Variants in GLIS3 observed in about 807,000 individuals in gnomAD.
GLIS3 encodes the protein zinc finger protein GLIS3.
Under a neutral mutation model 78.6 loss-of-function variants are expected in GLIS3, and 53 were observed. That is an observed-to-expected ratio of 0.67 (90% CI 0.54 to 0.85). GLIS3 has a LOEUF of 0.85. Among genes scored for constraint, GLIS3 ranks in the 40% least tolerant of loss-of-function variants. The probability of loss-of-function intolerance (pLI) is 0.00; values close to 1 mark genes in which losing one functional copy is unlikely to be tolerated. For missense variants in GLIS3, 1,703 were observed against 1,231.1 expected, an observed-to-expected ratio of 1.38 and a Z score of -5.74; for synonymous variants, 684 against 509.9, an observed-to-expected ratio of 1.34 and a Z score of -4.60.
intron 2 of GLIS3, among the ~76,000 whole-genome samples, chr9:4,283,112 CACA>C (rs1405013079): frequency 6.6e-5 from 10 of 151,898 alleles, no homozygotes; most frequent in African/African-American, 2.4e-4. Context: ...CACACACACA[CACA>C]CACACAGGAA....
At chr9:4,287,122 A>T (rs2130352769) in intron 1 of GLIS3, among the ~76,000 whole-genome samples, 1 of 152,308 alleles carries the variant, frequency 6.6e-6, no homozygotes, top group South Asian at 2.1e-4. Context: ...TCATGGCAGC[A>T]TTAGAGTCTT....
chr9:4,455,301 T>C, the GLIS3 span, among the ~76,000 whole-genome samples: 1 of 152,178 alleles, frequency 6.6e-6, no homozygotes, highest in African/African-American at 2.4e-5. Flanking sequence ...TCATTTAAAA[T>C]GTGTCACCAC....
intron 3 of GLIS3, among the ~76,000 whole-genome samples, chr9:4,124,082 T>C (rs1832387294): frequency 6.6e-6 from 1 of 152,148 alleles, no homozygotes; most frequent in African/African-American, 2.4e-5. Context: ...TCTCCATTGA[T>C]GAAATACACA....
rs370384726 is a variant in GLIS3 at position 4,084,256 on chromosome 9, A to AACACACACACAC, written c.1710+33500_1710+33511dup. On this transcript the variant is annotated intron_variant, in intron 4 of 10. Coordinates refer to ENST00000381971, the MANE Select transcript of GLIS3 (RefSeq NM_001042413.2). ...CTCTCTCTCCTTCCTTCCTCTCTCT[A>AACACACACACAC]ACACACACACACACACACACACACA... Among the ~76,000 whole-genome samples the AACACACACACAC allele has an allele frequency of 3.7e-3, 494 of 132,184 alleles. 1 individual carries two copies. The highest frequency in any genetic ancestry group is 9.2e-3 in the South Asian group (35 of 3,820). 86.7% of individuals were successfully genotyped at this position (132,184 alleles called of 152,430 possible).
chr9:4,024,788 C>T (rs550132063), intron 4 of GLIS3, among the ~76,000 whole-genome samples: 4 of 152,248 alleles, frequency 2.6e-5, no homozygotes, highest in South Asian at 2.1e-4. Flanking sequence ...CCAACTTCAC[C>T]GATTAGATTG....
At chr9:4,180,624 T>C (rs983403163) in intron 2 of GLIS3, among the ~76,000 whole-genome samples, 2 of 152,234 alleles carry the variant, frequency 1.3e-5, no homozygotes, top group African/African-American at 4.8e-5. Flanking sequence ...GTGTCCATCC[T>C]GCTCCATGAG....
chr9:4,178,441 G>A (rs762189723), intron 2 of GLIS3, among the ~76,000 whole-genome samples: 1 of 152,170 alleles, frequency 6.6e-6, no homozygotes, highest in Non-Finnish European at 1.5e-5. Flanking sequence ...ATAGGAGAAG[G>A]AGGGGAAGGG....
chr9:4,392,869 A>G, the GLIS3 span, among the ~76,000 whole-genome samples: 1 of 152,110 alleles, frequency 6.6e-6, no homozygotes, highest in South Asian at 2.1e-4. Context: ...CCAGAATGAA[A>G]TAACTGGAAA....
At position 3,954,129 on chromosome 9, in the gene GLIS3, A is replaced by G. The variant is rs993362346; in HGVS notation, c.1711-16940T>C. On this transcript the variant is annotated intron_variant, in intron 4 of 10. Transcript: ENST00000381971. ...GAATTTCTGTGGGATCTTATATTCCAGGGTCTCAATTTACTTTTATAAATA... is the reference window on the plus strand; with the variant it reads ...GAATTTCTGTGGGATCTTATATTCCGGGGTCTCAATTTACTTTTATAAATA... Among the ~76,000 whole-genome samples the G allele has an allele frequency of 2.0e-5, 3 of 152,184 alleles. No homozygotes were observed. The South Asian group carries it at 6.2e-4, about 31-fold the overall frequency.
intron 4 of GLIS3, among the ~76,000 whole-genome samples, chr9:4,061,069 T>C (rs892018740): frequency 1.8e-4 from 27 of 152,220 alleles, no homozygotes; most frequent in Non-Finnish European, 2.5e-4. Context: ...ATCCATTTTT[T>C]TTTTTTACTA....
At chr9:3,869,709 A>C (rs901395535) in intron 8 of GLIS3, among the ~76,000 whole-genome samples, 24 of 152,108 alleles carry the variant, frequency 1.6e-4, no homozygotes, top group African/African-American at 5.3e-4. Flanking sequence ...TTGGTCTTTT[A>C]CCTTTCTCAA....
chr9:4,318,895 T>C (rs1347006055), intron 2 of GLIS3, among the ~76,000 whole-genome samples: 1 of 152,196 alleles, frequency 6.6e-6, no homozygotes, highest in Non-Finnish European at 1.5e-5. Context: ...AGTGGGTTCA[T>C]CAAAGTGACA....
chr9:4,320,324 G>T (rs950639911), intron 2 of GLIS3, among the ~76,000 whole-genome samples: 1 of 152,134 alleles, frequency 6.6e-6, no homozygotes, highest in Non-Finnish European at 1.5e-5. Flanking sequence ...AAACAGGAAA[G>T]TAAGACCATC....
At chr9:4,110,068 G>C (rs1474779135) in intron 4 of GLIS3, among the ~76,000 whole-genome samples, 1 of 152,180 alleles carries the variant, frequency 6.6e-6, no homozygotes, top group Non-Finnish European at 1.5e-5. Flanking sequence ...CAAAGGGAAT[G>C]TCTCATTTAT....
chr9:4,011,616 G>A (rs990170078), intron 4 of GLIS3, among the ~76,000 whole-genome samples: 2 of 152,150 alleles, frequency 1.3e-5, no homozygotes, highest in African/African-American at 2.4e-5. Flanking sequence ...GAATAGTGGC[G>A]AACTGCCCTG....
At chr9:4,114,312 G>T (rs756619249) in intron 4 of GLIS3, among the ~76,000 whole-genome samples, 60 of 152,154 alleles carry the variant, frequency 3.9e-4, no homozygotes, top group Admixed American at 1.6e-3. Flanking sequence ...GGTGCACTCT[G>T]TTGGAACCAT....
chr9:3,991,708 T>TTTTTTTTTTTTTTTTA (rs1820270869), intron 4 of GLIS3, among the ~76,000 whole-genome samples: 1 of 80,250 alleles, frequency 1.2e-5, no homozygotes, highest in African/African-American at 3.9e-5. Context: ...TTTTTTTTTT[T>TTTTTTTTTTTTTTTTA]GAGACGGAGT....
At position 4,067,812 on chromosome 9, in the gene GLIS3, A is replaced by AT. The variant is rs1554687229; in HGVS notation, c.1710+49955_1710+49956insA. ...ACCATGAACATTAGAGCAAAAAAAA[A>AT]ATATATGGTTACCAGCAAAGAACAG... On this transcript the variant is annotated intron_variant, in intron 4 of 10. Coordinates refer to ENST00000381971, the MANE Select transcript of GLIS3 (RefSeq NM_001042413.2). Among the ~76,000 whole-genome samples the AT allele has an allele frequency of 5.9e-5, 9 of 151,946 alleles. No homozygotes were observed. In the South Asian group the frequency reaches 6.3e-4, roughly 11 times the overall value.
chr9:4,061,562 G>C (rs1826658138), intron 4 of GLIS3, among the ~76,000 whole-genome samples: 2 of 152,052 alleles, frequency 1.3e-5, no homozygotes, highest in East Asian at 1.9e-4. Context: ...CATATAAATA[G>C]CCATAAAATG....
Sources: gnomAD v4.1 joint callset for allele counts (sites outside exome capture counted in the v4.1 genomes callset) on GRCh38, gnomAD v4.1.1 for gene constraint, MANE v1.5 for transcripts, NCBI Gene and HGNC (gene_info 2026-07-23, HGNC 2026-07-21) for gene names.